DMD: variants seen among roughly 807,000 people sequenced by gnomAD.
DMD encodes mutant dystrophin.
Under a neutral mutation model 330.1 loss-of-function variants are expected in DMD, and 63 were observed. The ratio of observed to expected loss-of-function variants is 0.19; its 90% confidence interval spans 0.16 to 0.24. The LOEUF (loss-of-function observed/expected upper bound fraction) is 0.24, where lower values mean the gene tolerates loss of function less well. DMD is among the 10% of genes least tolerant of loss of function. DMD has a pLI of 1.00. For missense variants in DMD, 3,344 were observed against 2,684.1 expected, an observed-to-expected ratio of 1.25 and a Z score of -5.43; for synonymous variants, 1,223 against 959.8, an observed-to-expected ratio of 1.27 and a Z score of -5.07.
intron 2 of DMD, among the ~76,000 whole-genome samples, chrX:32,936,049 A>G (rs2089993469): frequency 9.0e-6 from 1 of 111,302 alleles, no homozygotes. Flanking sequence ...TGTTCTTAAT[A>G]TTTCACACAC....
At chrX:32,287,215 A>G (rs73462014) in intron 43 of DMD, among the ~76,000 whole-genome samples, 3,094 of 111,823 alleles carry the variant, frequency 0.028, 118 homozygotes, top group African/African-American at 0.094. Flanking sequence ...AGATTTGACT[A>G]AAGATAAATA....
intron 52 of DMD, among the ~76,000 whole-genome samples, chrX:31,681,199 C>T (rs1266194931): frequency 8.9e-6 from 1 of 112,042 alleles, no homozygotes; most frequent in East Asian, 2.8e-4. Context: ...TAAAACCCTT[C>T]AATGTTTCCC....
intron 48 of DMD, among the ~76,000 whole-genome samples, chrX:31,846,287 A>C (rs750479499): frequency 4.5e-5 from 5 of 111,071 alleles, no homozygotes; most frequent in African/African-American, 9.8e-5. Flanking sequence ...GGTCCCCCAA[A>C]TTTACTACAT....
intron 50 of DMD, among the ~76,000 whole-genome samples, chrX:31,818,592 G>C (rs1394856866): frequency 9.0e-6 from 1 of 110,738 alleles, no homozygotes; most frequent in Non-Finnish European, 1.9e-5. Context: ...ACCTACCAGA[G>C]ACAGCCAGAA....
intron 2 of DMD, among the ~76,000 whole-genome samples, chrX:32,860,112 C>T (rs931115140): frequency 4.5e-5 from 5 of 111,644 alleles, no homozygotes; most frequent in African/African-American, 1.6e-4. Flanking sequence ...TAAAGAAATA[C>T]GGAAGCACAA....
chrX:32,484,996 G>A lies in DMD; in HGVS notation c.2726C>T (p.Ala909Val), dbSNP rs370014420. 12 of 1,209,570 alleles carry A rather than the reference G, an allele frequency of 9.9e-6. No individual in the cohort carries two copies. Among genetic ancestry groups the A allele is most frequent in the Non-Finnish European group, 1.2e-5 (11 of 894,936 alleles). Residue 909 changes from alanine to valine, a missense_variant, in exon 21 of 79, where the codon GCA (alanine) becomes GTA (valine). Ala to Val is a moderately conservative substitution (Grantham distance 64). Coordinates refer to ENST00000357033, the MANE Select transcript of DMD (RefSeq NM_004006.3). The stretch of plus-strand genomic sequence containing the variant: ...ATGATTTGTAAAGGCCACAAAGTCT[G>A]CATCCAGGAACATGGGTCCTTGTCC... ...EKGQGPMFLD[A>V]DFVAFTNHFK... is the part of the protein sequence containing the mutation.
intron 21 of DMD, among the ~76,000 whole-genome samples, chrX:32,473,693 A>G (rs1240529951): frequency 1.8e-5 from 2 of 111,613 alleles, no homozygotes; most frequent in East Asian, 5.6e-4. Context: ...TTTATATTGC[A>G]TTTATTTGGG....
chrX:31,679,319 T>C, intron 53 of DMD, 56 bp downstream of exon 53: 2 of 984,270 alleles, frequency 2.0e-6, no homozygotes, highest in Admixed American at 2.6e-5. Context: ...ATCTATGGTA[T>C]AATTTTATCA....
intron 1 of DMD, among the ~76,000 whole-genome samples, chrX:33,193,459 T>C (rs955816859): frequency 8.9e-6 from 1 of 112,418 alleles, no homozygotes; most frequent in African/African-American, 3.2e-5. Context: ...TTTGTTACAG[T>C]CTTTGATAAA....
intron 36 of DMD, among the ~76,000 whole-genome samples, chrX:32,364,105 T>C (rs1463143080): frequency 8.9e-6 from 1 of 111,888 alleles, no homozygotes; most frequent in Non-Finnish European, 1.9e-5. Context: ...TTACATGTAG[T>C]TAAAAATGAA....
At chrX:31,805,732 T>C (rs937841465) in intron 50 of DMD, among the ~76,000 whole-genome samples, 4 of 112,355 alleles carry the variant, frequency 3.6e-5, no homozygotes, top group African/African-American at 1.3e-4. Context: ...GTCCATTCTA[T>C]GCTAAGTAAG....
chrX:31,225,662 T>C (rs1292845598), intron 63 of DMD, among the ~76,000 whole-genome samples: 1 of 111,930 alleles, frequency 8.9e-6, no homozygotes, highest in East Asian at 2.8e-4. Flanking sequence ...AGTTTAAAGA[T>C]GCAGATTTCC....
rs182090290 is a variant in DMD, at chrX:31,163,388, G to A, written c.10553+6055C>T. Among the ~76,000 whole-genome samples, 439 of 111,396 alleles carry A rather than the reference G, an allele frequency of 3.9e-3. 1 individual carries two copies. The highest frequency in any genetic ancestry group is 0.013 in the African/African-American group (412 of 30,656). On this transcript the variant is annotated intron_variant, in intron 74 of 78. Coordinates refer to ENST00000357033, the MANE Select transcript of DMD (RefSeq NM_004006.3). ...CCTTCACCTTCTGCCATGATTGTGA[G>A]GCCTTCCCAGCCACACGGAACTGTG...
chrX:31,569,648 A>G lies in DMD; in HGVS notation c.8217+58025T>C, dbSNP rs767371013. Among the ~76,000 whole-genome samples, 4 of 89,581 alleles carry G rather than the reference A, an allele frequency of 4.5e-5. No homozygotes were observed. In the East Asian group the frequency reaches 1.4e-3, roughly 30 times the overall value. The allele number at this position is 89,581 out of a possible 115,157, so 77.8% of individuals were successfully genotyped here. ...CGTATATACGTATATATATGTATAT[A>G]CGTATATATACGTATATATACGTAT... On this transcript the variant is annotated intron_variant, in intron 55 of 78. Coordinates refer to ENST00000357033, the MANE Select transcript of DMD (RefSeq NM_004006.3).
At chrX:32,196,454 T>G (rs929843892) in intron 44 of DMD, among the ~76,000 whole-genome samples, 2 of 112,146 alleles carry the variant, frequency 1.8e-5, no homozygotes, top group Non-Finnish European at 1.9e-5. Flanking sequence ...TGTAAGGCAT[T>G]TATGTTATAT....
At chrX:31,612,985 G>A (rs188902184) in intron 55 of DMD, among the ~76,000 whole-genome samples, 2 of 112,018 alleles carry the variant, frequency 1.8e-5, no homozygotes, top group Non-Finnish European at 3.8e-5. Context: ...CTTTCGAGAA[G>A]AGGTAGGGCT....
intron 4 of DMD, among the ~76,000 whole-genome samples, chrX:32,824,660 G>A (rs1043683281): frequency 2.7e-5 from 3 of 111,525 alleles, no homozygotes; most frequent in African/African-American, 6.5e-5. Context: ...CCCTTGTAAT[G>A]GTGGAACTGT....
At chrX:32,068,194 T>A (rs2096272537) in intron 44 of DMD, among the ~76,000 whole-genome samples, 1 of 111,186 alleles carries the variant, frequency 9.0e-6, no homozygotes, top group Non-Finnish European at 1.9e-5. Flanking sequence ...ATTTTTTAAA[T>A]GATGTTTTAT....
chrX:32,977,720 T>C (rs1000899016), intron 2 of DMD, among the ~76,000 whole-genome samples: 1 of 109,854 alleles, frequency 9.1e-6, no homozygotes, highest in East Asian at 2.9e-4. Flanking sequence ...GTGATATATA[T>C]ATATATCACA....
Sources: gnomAD v4.1 joint callset for allele counts (sites outside exome capture counted in the v4.1 genomes callset) on GRCh38, gnomAD v4.1.1 for gene constraint, MANE v1.5 for transcripts, NCBI Gene and HGNC (gene_info 2026-07-23, HGNC 2026-07-21) for gene names.